Variants in PFKFB3 observed in about 807,000 individuals in gnomAD.
PFKFB3 encodes the protein 6-phosphofructo-2-kinase/fructose-2,6-biphosphatase 3.
PFKFB3 carries 33 observed loss-of-function variants against 68.0 expected under a neutral mutation model. That is an observed-to-expected ratio of 0.49 (90% confidence interval 0.37 to 0.65). The LOEUF is 0.65. PFKFB3 is among the 30% of genes least tolerant of loss of function. The pLI is 0.00. For missense variants in PFKFB3, 586 were observed against 712.2 expected, an observed-to-expected ratio of 0.82 and a Z score of 2.02; for synonymous variants, 315 against 288.2, an observed-to-expected ratio of 1.09 and a Z score of -0.94.
At chr10:6,157,646 T>C (rs1043742911) in intron 1 of PFKFB3, among the ~76,000 whole-genome samples, 2 of 152,196 alleles carry the variant, frequency 1.3e-5, no homozygotes, top group African/African-American at 4.8e-5. Flanking sequence ...TCCCGGGTCC[T>C]GTTTATAAAT....
intron 1 of PFKFB3, among the ~76,000 whole-genome samples, chr10:6,177,438 C>CTTTCTTTCTTTCTTTCTT (rs1554842946): frequency 1.0e-4 from 9 of 86,630 alleles, no homozygotes; most frequent in East Asian, 3.9e-4. Context: ...TCTTTTCTTT[C>CTTTCTTTCTTTCTTTCTT]TCTTTCTTTC....
intron 1 of PFKFB3, among the ~76,000 whole-genome samples, chr10:6,149,326 G>A (rs911330207): frequency 4.6e-5 from 7 of 152,072 alleles, no homozygotes; most frequent in African/African-American, 1.7e-4. Context: ...GGTGGCTCAT[G>A]CCTATAATCC....
At chr10:6,272,758 C>T in the PFKFB3 span, among the ~76,000 whole-genome samples, 3 of 152,050 alleles carry the variant, frequency 2.0e-5, no homozygotes, top group African/African-American at 7.2e-5. Flanking sequence ...CATGAGTTTC[C>T]GTCAGCCCTG....
chr10:6,283,495 T>C, the PFKFB3 span, among the ~76,000 whole-genome samples: 3 of 48,730 alleles, frequency 6.2e-5, no homozygotes, highest in African/African-American at 1.4e-4. Flanking sequence ...GCTGAAGAAC[T>C]TGGAGTCCAG....
chr10:6,319,417 A>C, the PFKFB3 span, among the ~76,000 whole-genome samples: 10 of 152,230 alleles, frequency 6.6e-5, no homozygotes, highest in Admixed American at 2.0e-4. Flanking sequence ...AGAAAGTCAA[A>C]TGCCACACAT....
intron 1 of PFKFB3, among the ~76,000 whole-genome samples, chr10:6,195,882 A>C (rs1308542045): frequency 1.3e-5 from 2 of 152,036 alleles, no homozygotes; most frequent in African/African-American, 4.8e-5. Context: ...TCCTTTGGGG[A>C]GGTGAGGCCC....
Position 6,228,705 on chromosome 10 carries a change from G to A in PFKFB3, c.1515+2340G>A, listed in dbSNP as rs1367466585. Among the ~76,000 whole-genome samples, 2 of 152,068 alleles carry A rather than the reference G, an allele frequency of 1.3e-5. No homozygotes were observed. The highest frequency in any genetic ancestry group is 1.5e-5 in the Non-Finnish European group (1 of 68,008). On this transcript the variant is annotated intron_variant, in intron 14 of 14. Transcript: ENST00000379775. The surrounding 1 kb of genome is among the most constrained non-coding windows in gnomAD (Gnocchi z 4.5). The stretch of plus-strand genomic sequence containing the variant: ...ATGGGGAATAGTGGGAGTGTGGTGG[G>A]GCCTGAGCTCTGAGCCTCTCCCTCC...
intron 1 of PFKFB3, among the ~76,000 whole-genome samples, chr10:6,176,853 G>C (rs1227014237): frequency 6.6e-6 from 1 of 152,124 alleles, no homozygotes; most frequent in Non-Finnish European, 1.5e-5. Context: ...TTTCAGATCT[G>C]TCCTAGCCAC....
At position 6,235,016 on chromosome 10, in the gene PFKFB3, G is replaced by A. The variant is rs1845951523; in HGVS notation, c.*2074G>A. 6.6e-6 allele frequency: 1 copy of A among 151,428 alleles called. No individual in the cohort carries two copies. 9.4% of individuals were successfully genotyped at this position (151,428 alleles called of 1,614,324 possible). On this transcript the variant is annotated 3_prime_UTR_variant, in exon 15 of 15. Transcript: ENST00000379775. ...CCTGCCTTTTGAGGGGACATTGGAC[G>A]GGGGCCGGGGGCGGGGGTTGGGTTT...
At chr10:6,270,742 C>T in the PFKFB3 span, among the ~76,000 whole-genome samples, 1 of 152,178 alleles carries the variant, frequency 6.6e-6, no homozygotes, top group Non-Finnish European at 1.5e-5. Flanking sequence ...CATCGGACCA[C>T]ATGCCTCCTT....
At chr10:6,250,455 T>C (rs1564235897) in intron 14 of PFKFB3, among the ~76,000 whole-genome samples, 1 of 151,568 alleles carries the variant, frequency 6.6e-6, no homozygotes, top group African/African-American at 2.4e-5. Context: ...CCTGTAGTCC[T>C]AGCTACTCAG....
At chr10:6,278,773 C>A in the PFKFB3 span, among the ~76,000 whole-genome samples, 21 of 152,212 alleles carry the variant, frequency 1.4e-4, no homozygotes, top group African/African-American at 5.1e-4. Flanking sequence ...TGCTTGCATG[C>A]AGATGCTCAA....
chr10:6,302,368 T>TG, the PFKFB3 span, among the ~76,000 whole-genome samples: 3 of 66,558 alleles, frequency 4.5e-5, no homozygotes, highest in Non-Finnish European at 5.8e-5. Context: ...GCCAGTTTTT[T>TG]TTTTTTTTTT....
chr10:6,164,808 C>G (rs912842255), intron 1 of PFKFB3, among the ~76,000 whole-genome samples: 3 of 152,102 alleles, frequency 2.0e-5, no homozygotes, highest in African/African-American at 7.2e-5. Flanking sequence ...TTTATGTTTC[C>G]CTTTACTCAG....
the PFKFB3 span, among the ~76,000 whole-genome samples, chr10:6,266,248 A>T: frequency 2.6e-5 from 4 of 152,278 alleles, no homozygotes; most frequent in East Asian, 7.7e-4. Flanking sequence ...ATTATATTTA[A>T]TGAGTTATAA....
the PFKFB3 span, chr10:6,294,070 T>G: frequency 2.0e-6 from 1 of 504,552 alleles, no homozygotes; most frequent in African/African-American, 2.0e-5. Flanking sequence ...CTGGAAGGTC[T>G]TGCTACCAAC....
rs144553000 is a variant in PFKFB3, at chr10:6,154,307, G to A, written c.16+9294G>A. On this transcript the variant is annotated intron_variant, in intron 1 of 14. Transcript: ENST00000379789. The surrounding 1 kb of genome is among the most constrained non-coding windows in gnomAD (Gnocchi z 4.6). ...GTTGGCCAGGCTGGAGTGCAGTGGC[G>A]CGTTCTCGGCTCACTGCAACCTCTG... Among the ~76,000 whole-genome samples, 30 of 151,576 alleles carry A rather than the reference G, an allele frequency of 2.0e-4. No homozygotes were observed. Among genetic ancestry groups the A allele is most frequent in the African/African-American group, 5.6e-4 (23 of 41,256 alleles).
downstream of PFKFB3, among the ~76,000 whole-genome samples, chr10:6,259,315 A>ACCAT (rs1274125716): frequency 1.5e-5 from 2 of 131,958 alleles, no homozygotes; most frequent in African/African-American, 2.9e-5. Flanking sequence ...CATCCACCCA[A>ACCAT]CCATCCATCC....
upstream of PFKFB3, chr10:6,202,912 G>A (rs1183702409): frequency 9.4e-6 from 11 of 1,168,090 alleles, no homozygotes; most frequent in Non-Finnish European, 1.2e-5. Flanking sequence ...TTTAAAAGCC[G>A]GCGGTGCGCG....
Sources: allele counts gnomAD v4.1 joint callset (sites outside exome capture counted in the v4.1 genomes callset), GRCh38; gene constraint gnomAD v4.1.1; non-coding constraint Gnocchi (gnomAD v3.1); transcripts MANE v1.5; gene names NCBI Gene and HGNC (gene_info 2026-07-23, HGNC 2026-07-21).